CAPZB: variants seen among roughly 807,000 people sequenced by gnomAD.
The protein encoded by CAPZB is F-actin-capping protein subunit beta.
Under a neutral mutation model 38.1 loss-of-function variants are expected in CAPZB, and 2 were observed. The observed-to-expected ratio is 0.05, with a 90% CI of 0.02 to 0.17. The LOEUF (loss-of-function observed/expected upper bound fraction) is 0.17, where lower values mean the gene tolerates loss of function less well. Among genes scored for constraint, CAPZB ranks in the 10% least tolerant of loss-of-function variants. The pLI is 1.00. For synonymous variants in CAPZB, 107 were observed against 127.4 expected (o/e 0.84, Z 1.08); for missense variants, 161 against 334.2 (o/e 0.48, Z 4.04).
At chr1:19,448,534 C>A (rs1157733505) in intron 1 of CAPZB, among the ~76,000 whole-genome samples, 3 of 152,146 alleles carry the variant, frequency 2.0e-5, no homozygotes, top group Non-Finnish European at 4.4e-5. Flanking sequence ...CACTGTGGAC[C>A]AGAGAAAGAT....
chr1:19,345,072 G>A lies in CAPZB; in HGVS notation c.654+115C>T, dbSNP rs952776461. The A allele has an allele frequency of 3.7e-6, 3 of 804,774 alleles. No homozygotes were observed. The African/African-American group carries it at 5.1e-5, about 14-fold the overall frequency. 49.9% of individuals were successfully genotyped at this position (804,774 alleles called of 1,614,324 possible). ...GCAAAATCCAAGAAGCGCTCTGCCG[G>A]CTGCGGTGGAGCTGAGAGAAAGCAG... is the stretch of plus-strand genomic sequence containing the variant. On this transcript the variant is annotated intron_variant, in intron 7 of 8. Coordinates refer to ENST00000264202, the MANE Select transcript of CAPZB (RefSeq NM_004930.5).
intron 1 of CAPZB, among the ~76,000 whole-genome samples, chr1:19,477,399 T>G (rs2094610635): frequency 6.6e-6 from 1 of 152,218 alleles, no homozygotes; most frequent in Non-Finnish European, 1.5e-5. Context: ...CAGCTCACAT[T>G]GGAAATTCTC....
Position 19,357,497 on chromosome 1 carries a change from G to C in CAPZB, c.396C>G (p.Ile132Met), listed in dbSNP as rs754804408. The change falls in exon 5 of 9, where the codon ATC becomes ATG. Residue 132 changes from isoleucine to methionine, a missense_variant. By Grantham distance (10) the Ile-to-Met change is conservative (BLOSUM62 1). Coordinates refer to ENST00000264202, the MANE Select transcript of CAPZB (RefSeq NM_004930.5). The surrounding 1 kb of genome is among the most constrained non-coding windows in gnomAD (Gnocchi z 4.3). ...WDLDHGFAGV[I>M]LIKKAGDGSK... The stretch of plus-strand genomic sequence containing the variant: ...ATCCATCTCCAGCCTTCTTTATGAG[G>C]ATCACTCCAGCAAAGCCATGATCCA... 1 of 1,613,954 alleles carries C rather than the reference G, an allele frequency of 6.2e-7. No individual in the cohort carries two copies. Among genetic ancestry groups the C allele is most frequent in the Non-Finnish European group, 8.5e-7 (1 of 1,179,980 alleles).
chr1:19,483,029 C>G (rs200296195), intron 1 of CAPZB, among the ~76,000 whole-genome samples: 86 of 152,298 alleles, frequency 5.6e-4, no homozygotes, highest in Admixed American at 1.4e-3. Flanking sequence ...GTGGTTTCTT[C>G]CAACGCCAGG....
intron 2 of CAPZB, among the ~76,000 whole-genome samples, chr1:19,406,652 G>A (rs2094333956): frequency 6.6e-6 from 1 of 152,158 alleles, no homozygotes. Flanking sequence ...TTAGCTGTGA[G>A]GCTTGGACCA....
intron 4 of CAPZB, among the ~76,000 whole-genome samples, chr1:19,375,957 C>T (rs1321715253): frequency 1.3e-5 from 2 of 152,170 alleles, no homozygotes; most frequent in Admixed American, 6.5e-5. Context: ...CCTGCAGAAC[C>T]ATACACCATG....
intron 1 of CAPZB, among the ~76,000 whole-genome samples, chr1:19,485,043 G>A (rs1335384314): frequency 2.6e-5 from 4 of 152,130 alleles, no homozygotes; most frequent in Non-Finnish European, 5.9e-5. Flanking sequence ...CTGGGCCGGA[G>A]AGACGGGGGA....
intron 1 of CAPZB, among the ~76,000 whole-genome samples, chr1:19,446,380 T>A (rs1279420059): frequency 6.6e-6 from 1 of 152,154 alleles, no homozygotes; most frequent in Non-Finnish European, 1.5e-5. Flanking sequence ...AATATGACAG[T>A]GAGCCATGTA....
intron 6 of CAPZB, among the ~76,000 whole-genome samples, chr1:19,352,761 G>A (rs796285518): frequency 9.2e-5 from 14 of 152,384 alleles, no homozygotes; most frequent in African/African-American, 3.4e-4. Flanking sequence ...TCTTCCAGTT[G>A]ACGTCCCTGA....
chr1:19,387,108 C>T (rs1055632982), intron 2 of CAPZB, among the ~76,000 whole-genome samples: 2 of 143,718 alleles, frequency 1.4e-5, no homozygotes, highest in Non-Finnish European at 3.0e-5. Flanking sequence ...CTTGAAAGCT[C>T]ACACGCATTC....
rs77027907 is a variant in CAPZB at position 19,367,449 on chromosome 1, G to A, written c.330-9886C>T. Among the ~76,000 whole-genome samples the A allele has an allele frequency of 4.6e-5, 7 of 152,184 alleles. No individual in the cohort carries two copies. The East Asian group carries it at 1.2e-3, about 25-fold the overall frequency. On this transcript the variant is annotated intron_variant, in intron 4 of 8. Transcript: ENST00000264202. ...GTGTCCGTCAGAAACACAAAGTGCC[G>A]CTTACTGGGAGCGGTTCCGTACCCA...
intron 1 of CAPZB, among the ~76,000 whole-genome samples, chr1:19,454,659 C>A (rs1230530374): frequency 1.3e-5 from 2 of 152,190 alleles, no homozygotes; most frequent in Non-Finnish European, 2.9e-5. Context: ...TCTAGGCTGC[C>A]TGAGTGCAAG....
Position 19,345,217 on chromosome 1 carries a change from T to G in CAPZB, c.624A>C (p.Pro208=). 1 of 1,614,012 alleles carries G rather than the reference T, an allele frequency of 6.2e-7. No individual in the cohort carries two copies. The highest frequency in any genetic ancestry group is 8.5e-7 in the Non-Finnish European group (1 of 1,179,934). The change falls in exon 7 of 9, where the codon CCA becomes CCC. Residue 208 remains proline, a synonymous_variant. Transcript: ENST00000264202. ...CCAGGCGCCCGATGTTGGCTATGTG[T>G]GGGGAGCAGTCACTCACAGTTTCAT... ...EKDETVSDCS[P]HIANIGRLVE... is the part of the protein sequence containing the mutation.
intron 1 of CAPZB, chr1:19,484,644 G>T: frequency 8.6e-7 from 1 of 1,168,374 alleles, no homozygotes; most frequent in Non-Finnish European, 1.1e-6. Context: ...CTGCAAAGAA[G>T]GCGCGCCCCA....
At chr1:19,484,421 C>T in intron 1 of CAPZB, 2 of 1,517,352 alleles carry the variant, frequency 1.3e-6, no homozygotes, top group Non-Finnish European at 1.8e-6. Flanking sequence ...GCGCCGTGGA[C>T]CCCGGCCTGC....
chr1:19,385,730 C>G (rs2094200565), intron 2 of CAPZB, 104 bp from the exon 3 acceptor site: 3 of 1,420,722 alleles, frequency 2.1e-6, no homozygotes, highest in Non-Finnish European at 1.0e-6. Context: ...CCTTTAACAT[C>G]TGGCCCTGGG....
At chr1:19,455,682 G>A (rs1005676909) in intron 1 of CAPZB, among the ~76,000 whole-genome samples, 5 of 152,086 alleles carry the variant, frequency 3.3e-5, no homozygotes, top group African/African-American at 1.2e-4. Context: ...AATCACTGAG[G>A]AGCTACAAAG....
chr1:19,394,673 G>A (rs10799807), intron 2 of CAPZB, among the ~76,000 whole-genome samples: 97,671 of 152,004 alleles, frequency 0.64, 31,556 homozygotes, highest in African/African-American at 0.71. Flanking sequence ...CAGAGATCGC[G>A]CCACAGCACT....
rs546082844 is a variant in CAPZB, at chr1:19,389,153, C to T, written c.94-3527G>A. Among the ~76,000 whole-genome samples, 3 of 152,302 alleles carry T rather than the reference C, an allele frequency of 2.0e-5. No homozygotes were observed. The South Asian group carries it at 6.2e-4, about 32-fold the overall frequency. ...ATGGTGTGCCCACAGACTTGGACCACAGCAGCTGCCCAAAGGTGCATTAGT... is the reference window on the plus strand; with the variant it reads ...ATGGTGTGCCCACAGACTTGGACCATAGCAGCTGCCCAAAGGTGCATTAGT... On this transcript the variant is annotated intron_variant, in intron 2 of 8. Coordinates refer to ENST00000264202, the MANE Select transcript of CAPZB (RefSeq NM_004930.5).
Sources: allele counts gnomAD v4.1 joint callset (sites outside exome capture counted in the v4.1 genomes callset), GRCh38; gene constraint gnomAD v4.1.1; non-coding constraint Gnocchi (gnomAD v3.1); transcripts MANE v1.5; gene names NCBI Gene and HGNC (gene_info 2026-07-23, HGNC 2026-07-21).